Variants in PIGK observed in about 807,000 individuals in gnomAD.
PIGK encodes GPI-anchor transamidase.
A neutral mutation model predicts 50.6 loss-of-function variants in PIGK; 42 were observed. The observed-to-expected ratio is 0.83, with a 90% CI of 0.65 to 1.07. PIGK has a LOEUF of 1.07. Among genes scored for constraint, PIGK ranks in the 50% least tolerant of loss-of-function variants. The pLI, the probability that PIGK is intolerant of heterozygous loss-of-function variation, is 0.00. For missense variants in PIGK, 448 were observed against 488.7 expected (o/e 0.92, Z 0.78); for synonymous variants, 151 against 156.0 (o/e 0.97, Z 0.24).
chr1:77,212,013 A>C (rs1204107548), intron 1 of PIGK, among the ~76,000 whole-genome samples: 1 of 152,034 alleles, frequency 6.6e-6, no homozygotes, highest in Non-Finnish European at 1.5e-5. Flanking sequence ...ATCCATTCTT[A>C]CTAGGTACTT....
At chr1:77,110,844 T>C (rs1256584632) in intron 10 of PIGK, among the ~76,000 whole-genome samples, 1 of 151,812 alleles carries the variant, frequency 6.6e-6, no homozygotes, top group African/African-American at 2.4e-5. Flanking sequence ...TGGGAGAAAA[T>C]TTTTGCAATC....
chr1:77,097,706 AT>A (rs1279475113), intron 10 of PIGK, among the ~76,000 whole-genome samples: 2 of 152,198 alleles, frequency 1.3e-5, no homozygotes, highest in Non-Finnish European at 2.9e-5. Context: ...GTAAATTTTC[AT>A]TACTCATAGA....
At position 77,122,315 on chromosome 1, in the gene PIGK, T is replaced by G. The variant is rs761583365; in HGVS notation, c.1031A>C (p.Lys344Thr). Reference sequence around the variant, plus strand: ...AGCTACAGGAAGTTGTTCAGCATATTTCAGAGGTTCCATTAGTTTCTCATC... The same window carrying G: ...AGCTACAGGAAGTTGTTCAGCATATGTCAGAGGTTCCATTAGTTTCTCATC... ...QMDEKLMEPL[K>T]YAEQLPVAQI... Residue 344 changes from lysine to threonine, a missense_variant, in exon 10 of 11, where the codon AAA (lysine) becomes ACA (threonine). By Grantham distance (78) the Lys-to-Thr change is moderately conservative. Coordinates refer to ENST00000370812, the MANE Select transcript of PIGK (RefSeq NM_005482.3). 1 of 1,607,398 alleles carries G rather than the reference T, an allele frequency of 6.2e-7. No individual in the cohort carries two copies. The highest frequency in any genetic ancestry group is 8.5e-7 in the Non-Finnish European group (1 of 1,174,252).
intron 9 of PIGK, among the ~76,000 whole-genome samples, chr1:77,145,609 C>T (rs1654751654): frequency 6.6e-6 from 1 of 152,000 alleles, no homozygotes; most frequent in African/African-American, 2.4e-5. Flanking sequence ...AGCTGTGATA[C>T]AGCCCAATAT....
At chr1:77,172,819 G>T (rs1420864193) in intron 3 of PIGK, among the ~76,000 whole-genome samples, 1 of 152,052 alleles carries the variant, frequency 6.6e-6, no homozygotes, top group Non-Finnish European at 1.5e-5. Context: ...AGCTACTCGG[G>T]AGGCTGAGGA....
intron 10 of PIGK, among the ~76,000 whole-genome samples, chr1:77,105,666 G>A (rs965664531): frequency 6.6e-6 from 1 of 151,998 alleles, no homozygotes; most frequent in Non-Finnish European, 1.5e-5. Context: ...TACAGAGCAG[G>A]GTTCAGTAAA....
chr1:77,207,760 T>C (rs1212882815), intron 2 of PIGK, among the ~76,000 whole-genome samples: 2 of 152,200 alleles, frequency 1.3e-5, no homozygotes, highest in East Asian at 1.9e-4. Context: ...CCTGTGCCTT[T>C]AGTAGGTATA....
chr1:77,182,144 T>C (rs943440990), intron 3 of PIGK, among the ~76,000 whole-genome samples: 6 of 152,122 alleles, frequency 3.9e-5, no homozygotes, highest in Non-Finnish European at 7.4e-5. Context: ...TACATGAGGG[T>C]AGAGCTAGCT....
intron 9 of PIGK, among the ~76,000 whole-genome samples, chr1:77,134,974 C>T (rs1222251533): frequency 4.0e-5 from 6 of 151,424 alleles, no homozygotes; most frequent in African/African-American, 1.2e-4. Context: ...CACTGTGATC[C>T]GAAAAAAAAT....
chr1:77,123,091 T>C (rs1391556250), intron 9 of PIGK, among the ~76,000 whole-genome samples: 1 of 152,140 alleles, frequency 6.6e-6, no homozygotes, highest in African/African-American at 2.4e-5. Context: ...TACAATGAGA[T>C]ACAAAGCTGA....
intron 9 of PIGK, among the ~76,000 whole-genome samples, chr1:77,138,240 C>A (rs945272847): frequency 1.3e-5 from 2 of 152,282 alleles, no homozygotes; most frequent in Admixed American, 6.5e-5. Context: ...ATGGGCTTGA[C>A]CTAACCAGGC....
rs1290258822 is a variant in PIGK, at chr1:77,091,051, T to C, written c.*1323A>G. The C allele has an allele frequency of 1.3e-5, 2 of 152,168 alleles. No homozygotes were observed. The highest frequency in any genetic ancestry group is 4.8e-5 in the African/African-American group (2 of 41,440). The allele number at this position is 152,168 out of a possible 1,614,324, so 9.4% of individuals were successfully genotyped here. ...GTTTTCTTGTGGAGGAAGAGTTGTC[T>C]TAATGTTACCTACAATTATAAACAA... is the stretch of plus-strand genomic sequence containing the variant. On this transcript the variant is annotated 3_prime_UTR_variant, in exon 11 of 11. Coordinates refer to ENST00000370812, the MANE Select transcript of PIGK (RefSeq NM_005482.3).
rs140910554 is a variant in PIGK, at chr1:77,161,669, T to C, written c.627A>G (p.Ala209=). ...GAGAATAAAATCGTTCATACATGGA[T>C]GCTCCTTGGCAAGTATCAATAATAA... ...LLFIIDTCQG[A]SMYERFYSPN... is the part of the protein sequence containing the mutation. Residue 209 remains alanine (A), a synonymous_variant, in exon 7 of 11, where the codon GCA becomes GCG. Coordinates refer to ENST00000370812, the MANE Select transcript of PIGK (RefSeq NM_005482.3). The C allele has an allele frequency of 2.3e-5, 36 of 1,583,356 alleles. No homozygotes were observed. Among genetic ancestry groups the C allele is most frequent in the Middle Eastern group, 1.7e-4 (1 of 6,010 alleles).
rs1655123053 is a variant in PIGK, at chr1:77,161,346, C to G, written c.762G>C (p.Leu254Phe). The stretch of plus-strand genomic sequence containing the variant: ...CTGGGTTAATTTCTTCCAAAAATTC[C>G]AAGACATAAAATGTGTATCTATCCA... Reference protein sequence around the residue: ...HLMDRYTFYVLEFLEEINPAS... With the variant: ...HLMDRYTFYVFEFLEEINPAS... The change falls in exon 8 of 11, where the codon TTG (leucine) becomes TTC (phenylalanine). Residue 254 changes from leucine (L) to phenylalanine (F), a missense_variant. Physicochemically the swap from Leu to Phe is conservative, Grantham distance 22. Transcript: ENST00000370812. 6.2e-7 allele frequency: 1 copy of G among 1,607,184 alleles called. No homozygotes were observed. Among genetic ancestry groups the G allele is most frequent in the South Asian group, 1.1e-5 (1 of 90,926 alleles).
intron 3 of PIGK, among the ~76,000 whole-genome samples, chr1:77,188,572 T>C (rs1337316238): frequency 6.6e-6 from 1 of 152,230 alleles, no homozygotes; most frequent in Admixed American, 6.5e-5. Flanking sequence ...GATCTCGCCC[T>C]GCCTCCACTT....
At chr1:77,136,426 G>A (rs994064742) in intron 9 of PIGK, among the ~76,000 whole-genome samples, 4 of 150,696 alleles carry the variant, frequency 2.7e-5, no homozygotes, top group Non-Finnish European at 5.9e-5. Flanking sequence ...CTACTTGGGA[G>A]GCTGAGGCAG....
At chr1:77,158,098 C>A (rs979997306) in intron 8 of PIGK, among the ~76,000 whole-genome samples, 1 of 152,312 alleles carries the variant, frequency 6.6e-6, no homozygotes, top group African/African-American at 2.4e-5. Flanking sequence ...CTCACTGCAA[C>A]CTCTGCCTCC....
intron 10 of PIGK, among the ~76,000 whole-genome samples, chr1:77,109,537 A>G (rs1653787812): frequency 6.6e-6 from 1 of 152,222 alleles, no homozygotes; most frequent in South Asian, 2.1e-4. Flanking sequence ...GATGCAGAAA[A>G]GGCCTTTGAC....
chr1:77,136,465 C>CT (rs1654518714), intron 9 of PIGK, among the ~76,000 whole-genome samples: 1 of 137,580 alleles, frequency 7.3e-6, no homozygotes, highest in Non-Finnish European at 1.5e-5. Flanking sequence ...GGAGGCGGAG[C>CT]TTGCAGTGAG....
Sources: allele counts gnomAD v4.1 joint callset (sites outside exome capture counted in the v4.1 genomes callset), GRCh38; gene constraint gnomAD v4.1.1; transcripts MANE v1.5; gene names NCBI Gene and HGNC (gene_info 2026-07-23, HGNC 2026-07-21).